The following APOBEC2 variants were observed in gnomAD, a reference collection of about 807,000 sequenced individuals.
The protein encoded by APOBEC2 is apolipoprotein B mRNA editing enzyme catalytic subunit 2.
A neutral mutation model predicts 19.4 loss-of-function variants in APOBEC2; 14 were observed. The ratio of observed to expected loss-of-function variants is 0.72; its 90% CI spans 0.48 to 1.13. The LOEUF is 1.13. APOBEC2 is among the 50% of genes most tolerant of loss of function. APOBEC2 has a pLI of 0.00. For missense variants in APOBEC2, 304 were observed against 277.0 expected, an observed-to-expected ratio of 1.10 and a Z score of -0.69; for synonymous variants, 127 against 112.1, an observed-to-expected ratio of 1.13 and a Z score of -0.84.
At chr6:41,053,553 A>G in intron 1 of APOBEC2, 75 bp downstream of exon 1, 1 of 1,587,848 alleles carries the variant, frequency 6.3e-7, no homozygotes, top group African/African-American at 1.3e-5. Flanking sequence ...GAAATTCAGG[A>G]TGGTTATATT....
At chr6:41,063,838 A>G (rs1035314670) in intron 2 of APOBEC2, among the ~76,000 whole-genome samples, 6 of 148,138 alleles carry the variant, frequency 4.1e-5, no homozygotes, top group Admixed American at 1.3e-4. Flanking sequence ...ATTTAATCCT[A>G]TATTTAGTCA....
Position 41,061,531 on chromosome 6 carries a change from A to G in APOBEC2, c.335A>G (p.Asp112Gly), listed in dbSNP as rs772319439. 5 of 1,614,090 alleles carry G rather than the reference A, an allele frequency of 3.1e-6. No individual in the cohort carries two copies. The highest frequency in any genetic ancestry group is 4.2e-6 in the Non-Finnish European group (5 of 1,179,972). ...AFFNTILPAF[D>G]PALRYNVTWY... ...TTCAACACCATCCTGCCAGCCTTCG[A>G]CCCAGCCCTGCGGTACAATGTCACC... Residue 112 changes from aspartate to glycine, a missense_variant, in exon 2 of 3, where the codon GAC (aspartate) becomes GGC (glycine). Physicochemically the swap from Asp to Gly is moderately conservative, Grantham distance 94 (BLOSUM62 -1). Transcript: ENST00000244669.
intron 1 of APOBEC2, among the ~76,000 whole-genome samples, chr6:41,060,126 TTC>T (rs1017281818): frequency 6.6e-6 from 1 of 152,146 alleles, no homozygotes; most frequent in African/African-American, 2.4e-5. Context: ...TCTCTGGCCC[TTC>T]TCTTTTTTCT....
intron 1 of APOBEC2, among the ~76,000 whole-genome samples, chr6:41,054,990 A>C (rs1368597657): frequency 6.6e-6 from 1 of 152,206 alleles, no homozygotes; most frequent in Non-Finnish European, 1.5e-5. Flanking sequence ...AAGTCCACTG[A>C]TATAACTTAC....
intron 1 of APOBEC2, among the ~76,000 whole-genome samples, chr6:41,054,797 C>A (rs1221995465): frequency 6.6e-6 from 1 of 152,178 alleles, no homozygotes. Flanking sequence ...GGAAGGAGAG[C>A]CTTTTTCTAA....
At chr6:41,056,933 C>T (rs116292565) in intron 1 of APOBEC2, among the ~76,000 whole-genome samples, 3,102 of 152,156 alleles carry the variant, frequency 0.02, 91 homozygotes, top group African/African-American at 0.069. Context: ...GGACACAGCA[C>T]GTTTTAGTAG....
rs769941939 is a variant in APOBEC2 at position 41,061,705 on chromosome 6, A to C, written c.509A>C (p.Lys170Thr). ...ATCCAGGCTGCTCTGAAGAAGCTGA[A>C]GGAGGCTGGCTGTAAACTGCGCATC... ...PEIQAALKKL[K>T]EAGCKLRIMK... Residue 170 changes from lysine to threonine, a missense_variant, in exon 2 of 3, where the codon AAG (lysine) becomes ACG (threonine). By Grantham distance (78) the Lys-to-Thr change is moderately conservative. Transcript: ENST00000244669. 10 of 1,614,210 alleles carry C rather than the reference A, an allele frequency of 6.2e-6. No individual in the cohort carries two copies. Among genetic ancestry groups the C allele is most frequent in the Non-Finnish European group, 8.5e-6 (10 of 1,180,038 alleles).
chr6:41,059,297 G>A (rs1762844194), intron 1 of APOBEC2, among the ~76,000 whole-genome samples: 1 of 152,178 alleles, frequency 6.6e-6, no homozygotes, highest in African/African-American at 2.4e-5. Context: ...TCATATAGGT[G>A]GCCCTGGATT....
chr6:41,058,174 C>A (rs1457808031), intron 1 of APOBEC2, among the ~76,000 whole-genome samples: 2 of 145,528 alleles, frequency 1.4e-5, no homozygotes, highest in Non-Finnish European at 3.0e-5. Context: ...CACACACACA[C>A]ACACACACAC....
chr6:41,062,696 A>G (rs1762890772), intron 2 of APOBEC2, among the ~76,000 whole-genome samples: 1 of 152,204 alleles, frequency 6.6e-6, no homozygotes, highest in Non-Finnish European at 1.5e-5. Context: ...TGATAGGAGA[A>G]AGATTAGCTA....
chr6:41,054,012 C>A (rs1762763378), intron 1 of APOBEC2, among the ~76,000 whole-genome samples: 1 of 152,146 alleles, frequency 6.6e-6, no homozygotes, highest in Admixed American at 6.5e-5. Context: ...CAGCTTTTTT[C>A]TTATTAAATC....
intron 1 of APOBEC2, among the ~76,000 whole-genome samples, chr6:41,057,789 G>A (rs758222220): frequency 1.4e-4 from 22 of 152,214 alleles, no homozygotes; most frequent in African/African-American, 5.3e-4. Flanking sequence ...ATAGATTTAC[G>A]CTTAGAAAAT....
At chr6:41,058,891 C>T (rs1331131352) in intron 1 of APOBEC2, among the ~76,000 whole-genome samples, 1 of 152,226 alleles carries the variant, frequency 6.6e-6, no homozygotes, top group Non-Finnish European at 1.5e-5. Flanking sequence ...CACTTCTTTT[C>T]CTGAGGCATC....
intron 1 of APOBEC2, among the ~76,000 whole-genome samples, chr6:41,059,989 T>G (rs897227827): frequency 6.6e-6 from 1 of 152,222 alleles, no homozygotes; most frequent in African/African-American, 2.4e-5. Flanking sequence ...CCTCCTCTCT[T>G]GACATTTTTC....
At chr6:41,057,806 G>A (rs1013134290) in intron 1 of APOBEC2, among the ~76,000 whole-genome samples, 24 of 152,216 alleles carry the variant, frequency 1.6e-4, no homozygotes, top group African/African-American at 5.3e-4. Context: ...AAATTCAAAC[G>A]TTTTGAATGT....
intron 2 of APOBEC2, among the ~76,000 whole-genome samples, chr6:41,063,556 T>C (rs1432916331): frequency 3.2e-5 from 4 of 123,356 alleles, no homozygotes; most frequent in Non-Finnish European, 6.9e-5. Context: ...TTTTTTTTTT[T>C]CAGTGATTTC....
chr6:41,055,782 G>A (rs1762787751), intron 1 of APOBEC2, among the ~76,000 whole-genome samples: 1 of 152,202 alleles, frequency 6.6e-6, no homozygotes, highest in South Asian at 2.1e-4. Context: ...TTCTGGAAAA[G>A]GGCCTAAGCC....
Position 41,053,267 on chromosome 6 carries a change from TG to T in APOBEC2, c.-78del. 6.5e-7 allele frequency: 1 copy of T among 1,539,618 alleles called. No individual in the cohort carries two copies. Among genetic ancestry groups the T allele is most frequent in the South Asian group, 1.2e-5 (1 of 82,218 alleles). ...CCAGATTTAGCTGCTGACAGCTGCT[TG>T]GGACTCTGCCGCCAGGGCCTGGCCC... On this transcript the variant is annotated 5_prime_UTR_variant, in exon 1 of 3. Coordinates refer to ENST00000244669, the MANE Select transcript of APOBEC2 (RefSeq NM_006789.4).
chr6:41,053,536 G>A, intron 1 of APOBEC2, 58 bp downstream of exon 1: 1 of 1,597,370 alleles, frequency 6.3e-7, no homozygotes, highest in East Asian at 2.3e-5. Flanking sequence ...CCTTGGGTTA[G>A]GCTGTGGAAA....
Sources: gnomAD v4.1 joint callset for allele counts (sites outside exome capture counted in the v4.1 genomes callset) on GRCh38, gnomAD v4.1.1 for gene constraint, MANE v1.5 for transcripts, NCBI Gene and HGNC (gene_info 2026-07-23, HGNC 2026-07-21) for gene names.